BLTP1: variants seen among roughly 807,000 people sequenced by gnomAD.
BLTP1 encodes the protein fragile site-associated protein.
the BLTP1 span, chr4:122,219,447 A>T: frequency 9.8e-4 from 1,578 of 1,614,176 alleles, 20 homozygotes; most frequent in African/African-American, 0.018. Flanking sequence ...CTGCTGTTGG[A>T]ATGGAAAATG....
chr4:122,336,116 C>A, the BLTP1 span: 1 of 1,254,148 alleles, frequency 8.0e-7, no homozygotes, highest in Non-Finnish European at 1.1e-6. Context: ...CTTGATTAAA[C>A]TTTAATATAA....
the BLTP1 span, chr4:122,280,049 A>G: frequency 6.2e-7 from 1 of 1,604,132 alleles, no homozygotes; most frequent in Non-Finnish European, 8.5e-7. Context: ...TTGCTGCATT[A>G]ACAAAAGTTT....
the BLTP1 span, among the ~76,000 whole-genome samples, chr4:122,159,192 G>T: frequency 6.6e-6 from 1 of 152,052 alleles, no homozygotes; most frequent in Non-Finnish European, 1.5e-5. Context: ...GGGCGCGGTG[G>T]GTGGCTCATG....
the BLTP1 span, chr4:122,226,183 G>GT: frequency 2.0e-3 from 280 of 143,330 alleles, no homozygotes; most frequent in Non-Finnish European, 3.1e-3. Context: ...CAATTAGGGT[G>GT]TTTTTTTTTT....
chr4:122,172,108 A>G, the BLTP1 span, among the ~76,000 whole-genome samples: 2 of 152,116 alleles, frequency 1.3e-5, no homozygotes, highest in African/African-American at 4.8e-5. Context: ...ATGGCAAATC[A>G]TAGCACTTGC....
the BLTP1 span, among the ~76,000 whole-genome samples, chr4:122,223,775 T>TG: frequency 6.6e-6 from 1 of 152,078 alleles, no homozygotes; most frequent in Non-Finnish European, 1.5e-5. Flanking sequence ...GCACTGAAGA[T>TG]GAAAAAAAGT....
At chr4:122,272,453 T>A in the BLTP1 span, 1 of 1,443,650 alleles carries the variant, frequency 6.9e-7, no homozygotes. Context: ...TAATAATTAG[T>A]GCTACTTCTC....
At chr4:122,169,935 G>T in the BLTP1 span, 2 of 984,432 alleles carry the variant, frequency 2.0e-6, no homozygotes. Flanking sequence ...AATATTAAGT[G>T]GTGGCTTTGG....
chr4:122,187,136 A>G, the BLTP1 span: 1 of 984,330 alleles, frequency 1.0e-6, no homozygotes, highest in African/African-American at 1.7e-5. Flanking sequence ...TGGTAGATGT[A>G]ATGACAGCAT....
chr4:122,254,670 A>G, the BLTP1 span: 1 of 1,213,784 alleles, frequency 8.2e-7, no homozygotes, highest in South Asian at 3.3e-5. Flanking sequence ...TGCTTTCATA[A>G]TTTATCAGTG....
chr4:122,197,711 C>T, the BLTP1 span, among the ~76,000 whole-genome samples: 1 of 151,922 alleles, frequency 6.6e-6, no homozygotes, highest in Admixed American at 6.6e-5. Flanking sequence ...AGGGAGTAAG[C>T]CGGGTGGGTA....
the BLTP1 span, chr4:122,250,584 T>G: frequency 6.2e-7 from 1 of 1,610,114 alleles, no homozygotes; most frequent in Admixed American, 1.7e-5. Flanking sequence ...GTTAGTGACT[T>G]TCTAATAGTA....
At chr4:122,208,181 T>C in the BLTP1 span, 5 of 851,486 alleles carry the variant, frequency 5.9e-6, no homozygotes, top group Non-Finnish European at 7.1e-6. Context: ...TTCTGGGTAC[T>C]ACATAGACAC....
the BLTP1 span, among the ~76,000 whole-genome samples, chr4:122,156,683 A>G: frequency 6.6e-6 from 1 of 152,182 alleles, no homozygotes; most frequent in African/African-American, 2.4e-5. Context: ...AGTTTGAGAG[A>G]AGGTTTTTGT....
chr4:122,321,733 T>C, the BLTP1 span, among the ~76,000 whole-genome samples: 989 of 152,016 alleles, frequency 6.5e-3, 9 homozygotes, highest in African/African-American at 0.023. Flanking sequence ...TCTTTTAACA[T>C]TGCTTGCAAG....
the BLTP1 span, among the ~76,000 whole-genome samples, chr4:122,280,857 T>G: frequency 3.3e-5 from 5 of 152,182 alleles, no homozygotes; most frequent in East Asian, 9.6e-4. Flanking sequence ...TAGTAAAAAT[T>G]TAAATGTTTT....
chr4:122,277,664 T>C, the BLTP1 span: 2 of 973,318 alleles, frequency 2.1e-6, no homozygotes, highest in Non-Finnish European at 2.4e-6. Flanking sequence ...AATCAGACTT[T>C]TATCATTTGT....
the BLTP1 span, among the ~76,000 whole-genome samples, chr4:122,238,547 T>C: frequency 2.0e-5 from 3 of 152,244 alleles, no homozygotes; most frequent in African/African-American, 7.2e-5. Context: ...ATTCAAGATA[T>C]GAGGAAAGTA....
At chr4:122,262,880 A>G in the BLTP1 span, 1 of 1,614,118 alleles carries the variant, frequency 6.2e-7, no homozygotes, top group Non-Finnish European at 8.5e-7. Context: ...AGGAGAGCCT[A>G]CTCAGCTACC....
Sources: gnomAD v4.1 joint callset for allele counts (sites outside exome capture counted in the v4.1 genomes callset) on GRCh38, gnomAD v4.1.1 for gene constraint, MANE v1.5 for transcripts, NCBI Gene and HGNC (gene_info 2026-07-23, HGNC 2026-07-21) for gene names.